MAGI2: variants seen among roughly 807,000 people sequenced by gnomAD.
The protein encoded by MAGI2 is membrane-associated guanylate kinase, WW and PDZ domain-containing protein 2.
MAGI2 carries 35 observed loss-of-function variants against 133.3 expected under a neutral mutation model. The observed-to-expected ratio is 0.26, with a 90% CI of 0.20 to 0.35. MAGI2 has a LOEUF of 0.35. Among genes scored for constraint, MAGI2 ranks in the 10% least tolerant of loss-of-function variants. MAGI2 has a pLI of 1.00. For missense variants in MAGI2, 1,636 were observed against 1,863.4 expected (o/e 0.88, Z 2.25); for synonymous variants, 729 against 710.6 (o/e 1.03, Z -0.41).
intron 1 of MAGI2, among the ~76,000 whole-genome samples, chr7:79,352,577 C>G (rs10264527): frequency 1.3e-5 from 2 of 152,328 alleles, no homozygotes; most frequent in South Asian, 4.1e-4. Context: ...CTGTAAGCCC[C>G]ACTCACACTG....
chr7:78,380,266 G>A (rs1029823), intron 6 of MAGI2, among the ~76,000 whole-genome samples: 123,771 of 151,664 alleles, frequency 0.82, 50,605 homozygotes, highest in Admixed American at 0.85. Flanking sequence ...ATTAAAAAGA[G>A]TTAAGTCATA....
chr7:78,375,947 T>C (rs1794411872), intron 6 of MAGI2, among the ~76,000 whole-genome samples: 1 of 152,174 alleles, frequency 6.6e-6, no homozygotes, highest in African/African-American at 2.4e-5. Flanking sequence ...AAATATAGAA[T>C]AGATGACTTT....
intron 2 of MAGI2, among the ~76,000 whole-genome samples, chr7:78,855,914 C>G (rs1339496790): frequency 1.3e-5 from 2 of 152,172 alleles, no homozygotes; most frequent in Non-Finnish European, 2.9e-5. Context: ...TCTACAGCAC[C>G]TGTTGTTTCC....
intron 6 of MAGI2, among the ~76,000 whole-genome samples, chr7:78,480,715 C>A (rs972545): frequency 0.17 from 25,842 of 151,710 alleles, 2,363 homozygotes; most frequent in East Asian, 0.36. Flanking sequence ...TAAATGAATT[C>A]AGCAAGTACA....
intron 18 of MAGI2, among the ~76,000 whole-genome samples, chr7:78,131,344 AC>A (rs754790788): frequency 2.0e-4 from 30 of 152,354 alleles, no homozygotes; most frequent in Non-Finnish European, 4.1e-4. Context: ...TCAGACATTT[AC>A]TTTTCTATGA....
At chr7:78,853,047 A>T (rs1793277027) in intron 2 of MAGI2, among the ~76,000 whole-genome samples, 1 of 152,110 alleles carries the variant, frequency 6.6e-6, no homozygotes, top group South Asian at 2.1e-4. Flanking sequence ...AGAGCTTTTC[A>T]TGAGGAACAA....
chr7:79,137,268 C>T (rs551296661), intron 1 of MAGI2, among the ~76,000 whole-genome samples: 1 of 152,176 alleles, frequency 6.6e-6, no homozygotes, highest in African/African-American at 2.4e-5. Context: ...TCAGTGCTAA[C>T]ATATAAACAC....
intron 1 of MAGI2, among the ~76,000 whole-genome samples, chr7:79,119,567 A>G (rs1377533087): frequency 2.0e-5 from 3 of 152,106 alleles, no homozygotes; most frequent in African/African-American, 7.2e-5. Context: ...TCTTTTTGTT[A>G]AGTGACAGAA....
rs572617517 is a variant in MAGI2 at position 78,295,631 on chromosome 7, G to T, written c.1409-39050C>A. 3.9e-5 allele frequency among the ~76,000 whole-genome samples: 6 copies of T among 152,240 alleles called. No homozygotes were observed. The East Asian group carries it at 1.2e-3, about 29-fold the overall frequency. ...AGTGTGAGCAACTACACTAGCAATT[G>T]CTAGTCCCTTGTTCTGTGCCCTTTC... On this transcript the variant is annotated intron_variant, in intron 9 of 21. Coordinates refer to ENST00000354212, the MANE Select transcript of MAGI2 (RefSeq NM_012301.4).
chr7:78,841,353 C>T (rs1435813153), intron 2 of MAGI2, among the ~76,000 whole-genome samples: 1 of 152,040 alleles, frequency 6.6e-6, no homozygotes. Flanking sequence ...CAATCACTTG[C>T]CTTGGAACTT....
intron 2 of MAGI2, among the ~76,000 whole-genome samples, chr7:78,643,939 C>CA (rs1314489904): frequency 6.6e-5 from 10 of 151,536 alleles, no homozygotes; most frequent in Non-Finnish European, 1.5e-4. Flanking sequence ...ATGCTGCCTA[C>CA]AAAAAACTTA....
rs115537626 is a variant in MAGI2, at chr7:78,663,363, C to T, written c.419-36124G>A. Among the ~76,000 whole-genome samples, 1,191 of 152,166 alleles carry T rather than the reference C, an allele frequency of 7.8e-3. 18 individuals are homozygous for T. The highest frequency in any genetic ancestry group is 0.027 in the African/African-American group (1,118 of 41,514). ...CTGGGATTATAGGCACGCGCTACCA[C>T]ACACAGCTAATTTTTGTATTTTTAG... On this transcript the variant is annotated intron_variant, in intron 2 of 21. Coordinates refer to ENST00000354212, the MANE Select transcript of MAGI2 (RefSeq NM_012301.4).
At chr7:79,358,183 C>A (rs1337112327) in intron 1 of MAGI2, among the ~76,000 whole-genome samples, 1 of 151,838 alleles carries the variant, frequency 6.6e-6, no homozygotes, top group Non-Finnish European at 1.5e-5. Flanking sequence ...TTTTTCCCCA[C>A]CTAACGCCAA....
chr7:78,202,682 C>CAA (rs59358280), intron 10 of MAGI2, among the ~76,000 whole-genome samples: 13,106 of 70,224 alleles, frequency 0.19, 1,721 homozygotes, highest in Non-Finnish European at 0.24. Flanking sequence ...GACTCTGTCT[C>CAA]AAAAAAAAAA....
intron 1 of MAGI2, among the ~76,000 whole-genome samples, chr7:79,258,983 G>A (rs1833889484): frequency 6.6e-6 from 1 of 152,182 alleles, no homozygotes; most frequent in Admixed American, 6.5e-5. Context: ...CTAAACAGCT[G>A]TGATGGCTGC....
intron 4 of MAGI2, among the ~76,000 whole-genome samples, chr7:78,519,403 A>G (rs117195059): frequency 6.6e-6 from 1 of 152,266 alleles, no homozygotes; most frequent in Non-Finnish European, 1.5e-5. Flanking sequence ...AAAGAAAAGC[A>G]CAGTATAAGG....
chr7:79,379,046 G>C (rs930957394), intron 1 of MAGI2, among the ~76,000 whole-genome samples: 2 of 147,778 alleles, frequency 1.4e-5, no homozygotes, highest in African/African-American at 2.5e-5. Flanking sequence ...GTGCCATGTT[G>C]GTGTGCTGCA....
intron 1 of MAGI2, among the ~76,000 whole-genome samples, chr7:79,260,363 AATACATACATACATACATACATACATAC>A (rs61427819): frequency 3.0e-4 from 44 of 149,124 alleles, no homozygotes; most frequent in Non-Finnish European, 4.6e-4. Flanking sequence ...TCTCTAAGTA[AATACATACATACATACATACATACATAC>A]ATACATACAT....
intron 1 of MAGI2, among the ~76,000 whole-genome samples, chr7:79,276,771 C>A (rs974215926): frequency 1.4e-4 from 22 of 152,190 alleles, no homozygotes; most frequent in African/African-American, 5.3e-4. Context: ...CAAGACCAAC[C>A]TGGACAACAT....
Sources: gnomAD v4.1 joint callset for allele counts (sites outside exome capture counted in the v4.1 genomes callset) on GRCh38, gnomAD v4.1.1 for gene constraint, MANE v1.5 for transcripts, NCBI Gene and HGNC (gene_info 2026-07-23, HGNC 2026-07-21) for gene names.